MAGI2: variants seen among roughly 807,000 people sequenced by gnomAD.
MAGI2 encodes the protein membrane associated guanylate kinase, WW and PDZ domain containing 2.
MAGI2 carries 35 observed loss-of-function variants against 133.3 expected under a neutral mutation model. That is an observed-to-expected ratio of 0.26 (90% CI 0.20 to 0.35). The LOEUF (loss-of-function observed/expected upper bound fraction) is 0.35. Ranked by LOEUF, MAGI2 falls within the 10% of genes least tolerant of loss-of-function variation. The probability of loss-of-function intolerance (pLI) is 1.00; values close to 1 mark genes in which losing one functional copy is unlikely to be tolerated. For synonymous variants in MAGI2, 729 were observed against 710.6 expected, an observed-to-expected ratio of 1.03 and a Z score of -0.41; for missense variants, 1,636 against 1,863.4, an observed-to-expected ratio of 0.88 and a Z score of 2.25.
intron 1 of MAGI2, among the ~76,000 whole-genome samples, chr7:79,375,831 G>C (rs1336385267): frequency 1.3e-5 from 2 of 151,864 alleles, no homozygotes; most frequent in African/African-American, 4.8e-5. Flanking sequence ...AGATAGGCTT[G>C]AATTATCAGT....
intron 3 of MAGI2, among the ~76,000 whole-genome samples, chr7:78,596,208 G>T (rs2935291): frequency 3.3e-4 from 32 of 97,194 alleles, no homozygotes; most frequent in Admixed American, 7.4e-4. Flanking sequence ...GGGAAGGAAT[G>T]AAGGAAGGGA....
Position 78,019,326 on chromosome 7 carries a change from C to A in MAGI2, c.4357G>T (p.Ala1453Ser), listed in dbSNP as rs761855886. ...PSVLKPGASA[A>S]SR Reference sequence around the variant, plus strand: ...CGTGGCCGCGCGGCTCATCTGCTGGCGGCCGAGGCGCCGGGTTTGAGGACG... The same window carrying A: ...CGTGGCCGCGCGGCTCATCTGCTGGAGGCCGAGGCGCCGGGTTTGAGGACG... The change falls in exon 22 of 22, where the codon GCC (alanine) becomes TCC (serine). Residue 1453 changes from alanine to serine, a missense_variant. Ala to Ser is a moderately conservative substitution (Grantham distance 99, BLOSUM62 1). Coordinates refer to ENST00000354212, the MANE Select transcript of MAGI2 (RefSeq NM_012301.4). The A allele has an allele frequency of 6.5e-7, 1 of 1,550,238 alleles. No individual in the cohort carries two copies. The highest frequency in any genetic ancestry group is 1.9e-5 in the Admixed American group (1 of 53,716).
chr7:79,386,033 T>A (rs1683682142), intron 1 of MAGI2, among the ~76,000 whole-genome samples: 1 of 152,018 alleles, frequency 6.6e-6, no homozygotes, highest in Non-Finnish European at 1.5e-5. Flanking sequence ...GGGATTCTGA[T>A]AACATTAAAA....
chr7:78,148,135 C>T (rs2150574502), intron 16 of MAGI2, among the ~76,000 whole-genome samples: 1 of 152,280 alleles, frequency 6.6e-6, no homozygotes, highest in Non-Finnish European at 1.5e-5. Context: ...CAGGAAACTA[C>T]CAAAATGCCC....
chr7:78,491,638 T>C (rs1793613646), intron 5 of MAGI2, among the ~76,000 whole-genome samples: 1 of 152,056 alleles, frequency 6.6e-6, no homozygotes, highest in Non-Finnish European at 1.5e-5. Context: ...GGTGCTTCAT[T>C]ATCAAGTTTT....
rs997370754 is a variant in MAGI2, at chr7:78,501,633, T to C, written c.909A>G (p.Pro303=). 3.7e-6 allele frequency: 6 copies of C among 1,614,028 alleles called. No individual in the cohort carries two copies. Among genetic ancestry groups the C allele is most frequent in the Non-Finnish European group, 8.5e-7 (1 of 1,180,026 alleles). The change falls in exon 5 of 22, where the codon CCA becomes CCG. Residue 303 remains proline (P), a synonymous_variant. Transcript: ENST00000354212. The part of the protein sequence containing the change: ...TKPEDNEEPD[P]LPDNWEMAYT... ...AGGCCATTTCCCAGTTATCAGGCAATGGGTCTGGTTCCTCATTGTCTTCAG... is the reference window on the plus strand; with the variant it reads ...AGGCCATTTCCCAGTTATCAGGCAACGGGTCTGGTTCCTCATTGTCTTCAG...
intron 1 of MAGI2, among the ~76,000 whole-genome samples, chr7:79,324,938 G>T (rs187006859): frequency 6.6e-5 from 10 of 151,438 alleles, no homozygotes; most frequent in Admixed American, 2.6e-4. Flanking sequence ...AGGAAAATTT[G>T]CATTTTTCAG....
At chr7:78,435,825 C>G (rs1584104572) in intron 6 of MAGI2, among the ~76,000 whole-genome samples, 1 of 152,144 alleles carries the variant, frequency 6.6e-6, no homozygotes, top group African/African-American at 2.4e-5. Flanking sequence ...AAACAGATTT[C>G]TATTGGAAAG....
chr7:78,034,348 T>C (rs2151069051), intron 21 of MAGI2, among the ~76,000 whole-genome samples: 1 of 152,248 alleles, frequency 6.6e-6, no homozygotes, highest in Admixed American at 6.5e-5. Flanking sequence ...GAGGCCTCCC[T>C]GAGGAAATGG....
Position 78,823,909 on chromosome 7 carries a change from TCA to T in MAGI2, c.418+183179_418+183180del, listed in dbSNP as rs151269215. ...TCATTATCTTCTCTTGGATTTCACA[TCA>T]CACACACACACACACACACACACAA... On this transcript the variant is annotated intron_variant, in intron 2 of 21. Transcript: ENST00000354212. 1.9e-3 allele frequency among the ~76,000 whole-genome samples: 287 copies of T among 147,698 alleles called. 4 individuals are homozygous for T. Among genetic ancestry groups the T allele is most frequent in the Middle Eastern group, 0.014 (4 of 284 alleles).
At chr7:78,552,176 CTT>C (rs869196799) in intron 3 of MAGI2, among the ~76,000 whole-genome samples, 5 of 90,340 alleles carry the variant, frequency 5.5e-5, no homozygotes, top group South Asian at 3.9e-4. Flanking sequence ...ATTTGTTTTC[CTT>C]TTTTTTTTTT....
At chr7:78,680,318 A>G (rs1016090860) in intron 2 of MAGI2, among the ~76,000 whole-genome samples, 8 of 152,164 alleles carry the variant, frequency 5.3e-5, no homozygotes, top group African/African-American at 1.9e-4. Context: ...ATTGAAATGG[A>G]GTATAATGAG....
intron 2 of MAGI2, among the ~76,000 whole-genome samples, chr7:78,727,988 T>C (rs776177542): frequency 1.9e-4 from 29 of 151,980 alleles, no homozygotes; most frequent in Non-Finnish European, 3.4e-4. Context: ...AGAGAACAGG[T>C]ATGGAGATTG....
intron 1 of MAGI2, among the ~76,000 whole-genome samples, chr7:79,285,531 C>T (rs187190681): frequency 3.9e-5 from 6 of 152,180 alleles, no homozygotes; most frequent in Admixed American, 6.6e-5. Flanking sequence ...CAGTGTATTG[C>T]TTTAGGCAAC....
rs148552561 is a variant in MAGI2, at chr7:78,098,555, A to G, written c.3568-19470T>C. ...TATTTGCAATTAAAAATCATGCTGT[A>G]ATAAACATTGCTGAAAATGTATCCT... On this transcript the variant is annotated intron_variant, in intron 20 of 21. Coordinates refer to ENST00000354212, the MANE Select transcript of MAGI2 (RefSeq NM_012301.4). Among the ~76,000 whole-genome samples the G allele has an allele frequency of 3.3e-3, 509 of 152,276 alleles. 18 individuals carry two copies. Among genetic ancestry groups the G allele is most frequent in the Admixed American group, 0.029 (439 of 15,292 alleles).
chr7:78,664,612 A>C (rs974316018), intron 2 of MAGI2, among the ~76,000 whole-genome samples: 16 of 151,984 alleles, frequency 1.1e-4, no homozygotes, highest in Non-Finnish European at 2.2e-4. Context: ...TTATCTTGAA[A>C]TGATACATTT....
At chr7:78,894,795 T>C (rs1281849250) in intron 2 of MAGI2, among the ~76,000 whole-genome samples, 1 of 152,236 alleles carries the variant, frequency 6.6e-6, no homozygotes, top group African/African-American at 2.4e-5. Flanking sequence ...GACAATATTC[T>C]GGCTAATCCT....
rs557321961 is a variant in MAGI2, at chr7:78,075,213, T to A, written c.3706+3734A>T. 5.8e-4 allele frequency among the ~76,000 whole-genome samples: 88 copies of A among 152,242 alleles called. 1 individual carries two copies. The highest frequency in any genetic ancestry group is 6.9e-4 in the Non-Finnish European group (47 of 68,022). On this transcript the variant is annotated intron_variant, in intron 21 of 21. Transcript: ENST00000354212. The stretch of plus-strand genomic sequence containing the variant: ...TTTTCTTGAGCAGCAATGTCACACA[T>A]ACGTTGCTGCATTTTTGTTGCTGGG...
At chr7:78,163,924 T>A (rs1049098156) in intron 15 of MAGI2, among the ~76,000 whole-genome samples, 9 of 122,956 alleles carry the variant, frequency 7.3e-5, no homozygotes, top group South Asian at 2.7e-4. Flanking sequence ...AAAAAAAAAA[T>A]TAATTGCCAA....
Sources: allele counts gnomAD v4.1 joint callset (sites outside exome capture counted in the v4.1 genomes callset), GRCh38; gene constraint gnomAD v4.1.1; transcripts MANE v1.5; gene names NCBI Gene and HGNC (gene_info 2026-07-23, HGNC 2026-07-21).